The following MYO1A variants were observed in gnomAD, a reference collection of about 807,000 sequenced individuals.
MYO1A encodes unconventional myosin-Ia.
A neutral mutation model predicts 138.5 loss-of-function variants in MYO1A; 127 were observed. That is an observed-to-expected ratio of 0.92 (90% confidence interval 0.79 to 1.06). The LOEUF (loss-of-function observed/expected upper bound fraction) is 1.06. MYO1A is among the 50% of genes least tolerant of loss of function. The probability of loss-of-function intolerance (pLI) is 0.00; values close to 1 mark genes in which losing one functional copy is unlikely to be tolerated. For missense variants in MYO1A, 1,211 were observed against 1,288.8 expected, an observed-to-expected ratio of 0.94 and a Z score of 0.92; for synonymous variants, 477 against 497.5, an observed-to-expected ratio of 0.96 and a Z score of 0.55.
Position 57,034,969 on chromosome 12 carries a change from A to AAAAT in MYO1A, c.2349+1334_2349+1337dup, listed in dbSNP as rs1158104536. On this transcript the variant is annotated intron_variant, in intron 22 of 27. Transcript: ENST00000300119. ...TGACAAGAGTGAAACTCTGTCTCAA[A>AAAAT]AAATAAATAAATAAATAAATAAAAA... Among the ~76,000 whole-genome samples the AAAAT allele has an allele frequency of 6.0e-4, 91 of 152,254 alleles. 2 individuals carry two copies. The highest frequency in any genetic ancestry group is 1.9e-3 in the African/African-American group (78 of 41,556).
In MYO1A at chr12:57,038,548, G is replaced by T. The variant is rs2030689795; in HGVS notation, c.1624C>A (p.Leu542Ile). 6.2e-7 allele frequency: 1 copy of T among 1,614,198 alleles called. No homozygotes were observed. The highest frequency in any genetic ancestry group is 8.5e-7 in the Non-Finnish European group (1 of 1,180,032). ...CCCTCAGGAAACAAGGACCGAAGGA[G>T]GGGGTGCTGGGCCTTCCACATGGCC... Reference protein sequence around the residue: ...LQAMWKAQHPLLRSLFPEGNP... With the variant: ...LQAMWKAQHPILRSLFPEGNP... Residue 542 changes from leucine to isoleucine, a missense_variant, in exon 17 of 28, where the codon CTC becomes ATC. By Grantham distance (5) the Leu-to-Ile change is conservative (BLOSUM62 2). Coordinates refer to ENST00000300119, the MANE Select transcript of MYO1A (RefSeq NM_005379.4).
At chr12:57,050,204 C>T (rs964646723), upstream of MYO1A, 2 of 152,274 alleles carry the variant, frequency 1.3e-5, no homozygotes, top group African/African-American at 4.8e-5. Context: ...CTTCACAGGC[C>T]TGAAGCCCCA....
chr12:57,050,299 C>T (rs2031293188), upstream of MYO1A, among the ~76,000 whole-genome samples: 1 of 152,208 alleles, frequency 6.6e-6, no homozygotes, highest in South Asian at 2.1e-4. Context: ...AGGGTTCTTG[C>T]TCCATTGTCT....
At chr12:57,038,155 G>T in intron 17 of MYO1A, 86 bp from the exon 18 acceptor site, 3 of 1,489,350 alleles carry the variant, frequency 2.0e-6, no homozygotes, top group South Asian at 2.3e-5. Flanking sequence ...GCTGCACACG[G>T]TGCACTTCAC....
chr12:57,044,221 A>C lies in MYO1A; in HGVS notation c.641-12T>G, dbSNP rs886049696. The C allele has an allele frequency of 1.9e-6, 3 of 1,609,462 alleles. No homozygotes were observed. The highest frequency in any genetic ancestry group is 2.5e-6 in the Non-Finnish European group (3 of 1,176,496). Reference sequence around the variant, plus strand: ...AAGCTTCAGGGCCTCTGGGAGGGCCAGTGTTGGGGAAGATGGTTAGTACCC... The same window carrying C: ...AAGCTTCAGGGCCTCTGGGAGGGCCCGTGTTGGGGAAGATGGTTAGTACCC... On this transcript the variant is annotated splice_polypyrimidine_tract_variant and intron_variant, in intron 8 of 27. Coordinates refer to ENST00000300119, the MANE Select transcript of MYO1A (RefSeq NM_005379.4).
At position 57,044,175 on chromosome 12, in the gene MYO1A, A is replaced by G. The variant is rs1305479876; in HGVS notation, c.675T>C (p.Tyr225=). The G allele has an allele frequency of 6.2e-7, 1 of 1,614,184 alleles. No homozygotes were observed. The change falls in exon 9 of 28, where the codon TAT becomes TAC. Residue 225 remains tyrosine, a synonymous_variant. Coordinates refer to ENST00000300119, the MANE Select transcript of MYO1A (RefSeq NM_005379.4). ...TGGATACTTCATGATTCAGATAGGC[A>G]TAGCCAGTTGTATCCCGCTCAAGCT... ...ALKLERDTTG[Y]AYLNHEVSRV...
At position 57,029,800 on chromosome 12, in the gene MYO1A, C is replaced by A; in HGVS notation, c.2664G>T (p.Gly888=). ...GNPKLQKLKG[G]EEGPVLMAEA... is the part of the protein sequence containing the mutation. ...CTGCCATCAGAACAGGCCCCTCCTC[C>A]CCGCCTTTCAGCTTCTGCAGCTTGG... Residue 888 remains glycine (G), a synonymous_variant, in exon 25 of 28, where the codon GGG becomes GGT. Coordinates refer to ENST00000300119, the MANE Select transcript of MYO1A (RefSeq NM_005379.4). 6.2e-7 allele frequency: 1 copy of A among 1,614,232 alleles called. No individual in the cohort carries two copies. The highest frequency in any genetic ancestry group is 8.5e-7 in the Non-Finnish European group (1 of 1,180,036).
chr12:57,028,571 G>A lies in MYO1A; in HGVS notation c.*184C>T. The stretch of plus-strand genomic sequence containing the variant: ...GTGTGCAGAGAGGCTGCGGGTTGGA[G>A]GAAGCTACTTTTGGAGGAGAGAACA... On this transcript the variant is annotated 3_prime_UTR_variant, in exon 28 of 28. Transcript: ENST00000300119. 1 of 746,154 alleles carries A rather than the reference G, an allele frequency of 1.3e-6. No individual in the cohort carries two copies. Among genetic ancestry groups the A allele is most frequent in the Non-Finnish European group, 2.1e-6 (1 of 468,400 alleles). The allele number at this position is 746,154 out of a possible 1,614,324, so 46.2% of individuals were successfully genotyped here. A position where few individuals can be genotyped will look rare whatever the true frequency, so the allele number is the denominator to read the frequency against.
At chr12:57,033,816 A>C (rs2030403705) in intron 22 of MYO1A, among the ~76,000 whole-genome samples, 1 of 152,246 alleles carries the variant, frequency 6.6e-6, no homozygotes, top group South Asian at 2.1e-4. Flanking sequence ...TTAAATAGAA[A>C]GAGGCAGAAT....
chr12:57,043,837 A>G lies in MYO1A; in HGVS notation c.892+19T>C, dbSNP rs1253158160. 6.2e-6 allele frequency: 10 copies of G among 1,613,988 alleles called. No homozygotes were observed. Among genetic ancestry groups the G allele is most frequent in the South Asian group, 4.4e-5 (4 of 91,068 alleles). On this transcript the variant is annotated intron_variant, in intron 10 of 27. Transcript: ENST00000300119. ...AATTCAGGGTCTGGGTAGGAGCTCC[A>G]GCAGGCTGGGATGCAGACCTCTCCC...
chr12:57,047,623 T>C lies in MYO1A; in HGVS notation c.325+4A>G. The C allele has an allele frequency of 6.2e-7, 1 of 1,614,116 alleles. No individual in the cohort carries two copies. The highest frequency in any genetic ancestry group is 8.5e-7 in the Non-Finnish European group (1 of 1,179,952). On this transcript the variant is annotated splice_donor_region_variant and intron_variant, in intron 4 of 27. Transcript: ENST00000300119. Reference sequence around the variant, plus strand: ...CCATGTGTTCCCCCAGCCAGGGGCCTCACCAGTCTTCCCTGATCCACTCTC... The same window carrying C: ...CCATGTGTTCCCCCAGCCAGGGGCCCCACCAGTCTTCCCTGATCCACTCTC...
In MYO1A at chr12:57,036,359, T is replaced by G; in HGVS notation, c.2297A>C (p.Tyr766Ser). Reference protein sequence around the residue: ...GWKARKNYRKYFRSEAALTLA... With the variant: ...GWKARKNYRKSFRSEAALTLA... ...GGTGAGGGCAGCCTCTGACCGGAAATATTTGCGATAATTCTTTCGGGCCTG... is the reference window on the plus strand; with the variant it reads ...GGTGAGGGCAGCCTCTGACCGGAAAGATTTGCGATAATTCTTTCGGGCCTG... The change falls in exon 22 of 28, where the codon TAT becomes TCT. Residue 766 changes from tyrosine to serine, a missense_variant. By Grantham distance (144) the Tyr-to-Ser change is moderately radical. Coordinates refer to ENST00000300119, the MANE Select transcript of MYO1A (RefSeq NM_005379.4). The G allele has an allele frequency of 6.2e-7, 1 of 1,613,832 alleles. No individual in the cohort carries two copies. Among genetic ancestry groups the G allele is most frequent in the Non-Finnish European group, 8.5e-7 (1 of 1,179,802 alleles).
chr12:57,031,305 G>T, intron 22 of MYO1A, 131 bp from the exon 23 acceptor site: 1 of 1,133,866 alleles, frequency 8.8e-7, no homozygotes, highest in Non-Finnish European at 1.3e-6. Context: ...TGGAGCTGAA[G>T]AGATGGAAGG....
In MYO1A at chr12:57,047,050, C is replaced by T. The variant is rs547766720; in HGVS notation, c.477+11G>A. 1.2e-6 allele frequency: 2 copies of T among 1,614,136 alleles called. No homozygotes were observed. The highest frequency in any genetic ancestry group is 1.7e-6 in the Non-Finnish European group (2 of 1,179,984). The stretch of plus-strand genomic sequence containing the variant: ...CATCCTCTCTTCCCAGGTGGGGAGA[C>T]ATTTACTCACAAATCGGGAGGAATT... On this transcript the variant is annotated intron_variant, in intron 6 of 27. Coordinates refer to ENST00000300119, the MANE Select transcript of MYO1A (RefSeq NM_005379.4).
chr12:57,038,495 G>T lies in MYO1A; in HGVS notation c.1677C>A (p.Arg559=). The T allele has an allele frequency of 1.2e-6, 2 of 1,614,222 alleles. No individual in the cohort carries two copies. Among genetic ancestry groups the T allele is most frequent in the Non-Finnish European group, 1.7e-6 (2 of 1,180,038 alleles). ...TGAACTGGGCCCCAGCAGTCGGGGG[G>T]CGTTTGAGAGATGCCTGCTTAGGAT... is the stretch of plus-strand genomic sequence containing the variant. ...EGNPKQASLK[R]PPTAGAQFKS... Residue 559 remains arginine (R), a synonymous_variant, in exon 17 of 28, where the codon CGC becomes CGA. Transcript: ENST00000300119.
At chr12:57,030,507 T>G (rs2030226345) in intron 23 of MYO1A, among the ~76,000 whole-genome samples, 191 bp from the exon 24 acceptor site, 1 of 151,932 alleles carries the variant, frequency 6.6e-6, no homozygotes, top group Non-Finnish European at 1.5e-5. Flanking sequence ...TGAGGGAGGC[T>G]AGGGGAGGGA....
At chr12:57,046,458 G>C (rs1335880707) in intron 8 of MYO1A, 94 bp downstream of exon 8, 9 of 935,434 alleles carry the variant, frequency 9.6e-6, no homozygotes, top group Non-Finnish European at 1.6e-5. Context: ...GGGCTGTAGG[G>C]GCCCAGAGGG....
At chr12:57,041,394 T>C in intron 13 of MYO1A, 38 bp downstream of exon 13, 1 of 1,603,594 alleles carries the variant, frequency 6.2e-7, no homozygotes, top group Non-Finnish European at 8.5e-7. Context: ...CCACCTCTAA[T>C]CCTAGGGGAG....
chr12:57,047,893 G>A, intron 3 of MYO1A, 96 bp downstream of exon 3: 1 of 1,555,886 alleles, frequency 6.4e-7, no homozygotes, highest in South Asian at 1.2e-5. Context: ...GGGGCAGCTG[G>A]AGAAGCCCCT....
Sources: gnomAD v4.1 joint callset for allele counts (sites outside exome capture counted in the v4.1 genomes callset) on GRCh38, gnomAD v4.1.1 for gene constraint, MANE v1.5 for transcripts, NCBI Gene and HGNC (gene_info 2026-07-23, HGNC 2026-07-21) for gene names.